Variants in F13A1 observed in about 807,000 individuals in gnomAD.
F13A1 encodes coagulation factor XIII A chain.
F13A1 carries 47 observed loss-of-function variants against 80.1 expected under a neutral mutation model. That is an observed-to-expected ratio of 0.59 (90% CI 0.46 to 0.75). F13A1 has a LOEUF of 0.75. Among genes scored for constraint, F13A1 ranks in the 30% least tolerant of loss-of-function variants. The pLI, the probability that F13A1 is intolerant of heterozygous loss-of-function variation, is 0.00. For missense variants in F13A1, 817 were observed against 930.4 expected, an observed-to-expected ratio of 0.88 and a Z score of 1.59; for synonymous variants, 349 against 344.9, an observed-to-expected ratio of 1.01 and a Z score of -0.13.
At chr6:6,154,298 C>G (rs1217490488) in intron 13 of F13A1, among the ~76,000 whole-genome samples, 1 of 152,092 alleles carries the variant, frequency 6.6e-6, no homozygotes, top group African/African-American at 2.4e-5. Context: ...AGAACATGAA[C>G]CAGAAGTTAC....
At chr6:6,182,747 G>A (rs1439660202) in intron 10 of F13A1, among the ~76,000 whole-genome samples, 3 of 152,096 alleles carry the variant, frequency 2.0e-5, no homozygotes, top group African/African-American at 4.8e-5. Flanking sequence ...GGCGTTTGGG[G>A]ATTTGGGGGC....
chr6:6,301,354 A>G, intron 3 of F13A1, among the ~76,000 whole-genome samples: 1 of 152,198 alleles, frequency 6.6e-6, no homozygotes, highest in East Asian at 1.9e-4. Flanking sequence ...TCTACACTAA[A>G]TAGTAGAGTG....
intron 4 of F13A1, among the ~76,000 whole-genome samples, chr6:6,252,065 CCA>C (rs1382089078): frequency 6.6e-6 from 1 of 152,030 alleles, no homozygotes; most frequent in Non-Finnish European, 1.5e-5. Flanking sequence ...AAAAAAAATC[CCA>C]CAGTGGTTAG....
At chr6:6,172,633 G>A (rs544062261) in intron 12 of F13A1, among the ~76,000 whole-genome samples, 103 of 152,118 alleles carry the variant, frequency 6.8e-4, no homozygotes, top group African/African-American at 2.4e-3. Context: ...TTTTAGTAGA[G>A]ATGAGCTTTC....
intron 4 of F13A1, among the ~76,000 whole-genome samples, chr6:6,255,152 C>T (rs1477596590): frequency 6.6e-6 from 1 of 152,126 alleles, no homozygotes; most frequent in Non-Finnish European, 1.5e-5. Context: ...ATTTATCCCA[C>T]TGTATGGACA....
At chr6:6,180,014 G>A (rs3823192) in intron 11 of F13A1, among the ~76,000 whole-genome samples, 33,658 of 152,132 alleles carry the variant, frequency 0.22, 4,450 homozygotes, top group East Asian at 0.5. Flanking sequence ...GCTAATGGCA[G>A]CTGTGCTCGG....
intron 3 of F13A1, among the ~76,000 whole-genome samples, chr6:6,281,829 T>C (rs1204437632): frequency 6.6e-6 from 1 of 151,684 alleles, no homozygotes; most frequent in Non-Finnish European, 1.5e-5. Context: ...CCGCCTCTAC[T>C]AAAAATACAA....
chr6:6,194,381 G>T (rs1218825440), intron 10 of F13A1, among the ~76,000 whole-genome samples: 1 of 152,156 alleles, frequency 6.6e-6, no homozygotes, highest in African/African-American at 2.4e-5. Flanking sequence ...GCTTTCAGAT[G>T]CTCAACTCAT....
chr6:6,237,477 T>C (rs1757428549), intron 6 of F13A1, among the ~76,000 whole-genome samples: 3 of 152,316 alleles, frequency 2.0e-5, no homozygotes, highest in Admixed American at 1.3e-4. Context: ...TGGTTTTTCA[T>C]AGTGGTTTGC....
Position 6,269,264 on chromosome 6 carries a change from T to C in F13A1, c.320-2455A>G, listed in dbSNP as rs150570655. On this transcript the variant is annotated intron_variant, in intron 3 of 14. Coordinates refer to ENST00000264870, the MANE Select transcript of F13A1 (RefSeq NM_000129.4). ...TGGAGATCATGGTGGTCATAGTTTG[T>C]GATGGGGAGGGCAGCTTAATAATTG... Among the ~76,000 whole-genome samples, 139 of 152,202 alleles carry C rather than the reference T, an allele frequency of 9.1e-4. 1 individual carries two copies. The highest frequency in any genetic ancestry group is 3.0e-3 in the African/African-American group (125 of 41,514).
intron 11 of F13A1, among the ~76,000 whole-genome samples, chr6:6,175,424 C>G (rs2151075306): frequency 6.6e-6 from 1 of 152,298 alleles, no homozygotes; most frequent in Middle Eastern, 3.4e-3. Context: ...TCTTCCCTAT[C>G]TCACTCAATT....
intron 10 of F13A1, among the ~76,000 whole-genome samples, chr6:6,189,952 A>T (rs1459006281): frequency 8.5e-5 from 13 of 152,078 alleles, no homozygotes; most frequent in East Asian, 3.9e-4. Context: ...TAAACTTCCC[A>T]TCTTGCTTCA....
chr6:6,286,637 A>G (rs983929016), intron 3 of F13A1, among the ~76,000 whole-genome samples: 4 of 152,154 alleles, frequency 2.6e-5, no homozygotes, highest in African/African-American at 9.7e-5. Flanking sequence ...ACTCCAGTAC[A>G]TTTGCTGCCA....
chr6:6,283,142 C>G (rs1186089928), intron 3 of F13A1, among the ~76,000 whole-genome samples: 1 of 152,162 alleles, frequency 6.6e-6, no homozygotes, highest in Non-Finnish European at 1.5e-5. Flanking sequence ...AGATACGTGA[C>G]TTGATTTTAA....
At chr6:6,148,857 A>C (rs767985337) in intron 14 of F13A1, among the ~76,000 whole-genome samples, 5 of 152,210 alleles carry the variant, frequency 3.3e-5, no homozygotes, top group Non-Finnish European at 7.3e-5. Flanking sequence ...TTCTGTAACT[A>C]TTCAGCCATA....
rs1313682506 is a variant in F13A1 at position 6,226,912 on chromosome 6, A to T, written c.799-2052T>A. On this transcript the variant is annotated intron_variant, in intron 6 of 14. Coordinates refer to ENST00000264870, the MANE Select transcript of F13A1 (RefSeq NM_000129.4). ...GGAAGGGAGTTATCAGTTAGATTGG[A>T]GGGTGGTGGTGGTGATGCTGGGGGG... Among the ~76,000 whole-genome samples the T allele has an allele frequency of 2.0e-5, 3 of 152,082 alleles. No individual in the cohort carries two copies. In the East Asian group the frequency reaches 5.8e-4, roughly 29 times the overall value.
intron 8 of F13A1, among the ~76,000 whole-genome samples, chr6:6,216,379 T>A (rs1294259224): frequency 6.6e-6 from 1 of 150,968 alleles, no homozygotes; most frequent in Non-Finnish European, 1.5e-5. Flanking sequence ...GCCGCATATC[T>A]ACAACTATCT....
chr6:6,233,533 C>G (rs1757378112), intron 6 of F13A1, among the ~76,000 whole-genome samples: 1 of 151,954 alleles, frequency 6.6e-6, no homozygotes, highest in South Asian at 2.1e-4. Flanking sequence ...GGAAGAATTG[C>G]TACCAATCCT....
intron 13 of F13A1, among the ~76,000 whole-genome samples, chr6:6,156,504 C>T (rs996369452): frequency 1.3e-5 from 2 of 152,162 alleles, no homozygotes; most frequent in African/African-American, 4.8e-5. Context: ...GCACACCTAA[C>T]AGCTCTTATT....
Sources: gnomAD v4.1 joint callset for allele counts (sites outside exome capture counted in the v4.1 genomes callset) on GRCh38, gnomAD v4.1.1 for gene constraint, MANE v1.5 for transcripts, NCBI Gene and HGNC (gene_info 2026-07-23, HGNC 2026-07-21) for gene names.